OXCT1: variants seen among roughly 807,000 people sequenced by gnomAD.
OXCT1 encodes the protein succinyl-CoA:3-ketoacid coenzyme A transferase 1, mitochondrial.
OXCT1 carries 27 observed loss-of-function variants against 69.6 expected under a neutral mutation model. That is an observed-to-expected ratio of 0.39 (90% CI 0.29 to 0.54). The LOEUF is 0.54. Ranked by LOEUF, OXCT1 falls within the 20% of genes least tolerant of loss-of-function variation. OXCT1 has a pLI of 0.72. For synonymous variants in OXCT1, 202 were observed against 217.8 expected (o/e 0.93, Z 0.64); for missense variants, 437 against 650.2 (o/e 0.67, Z 3.57).
chr5:41,822,147 G>A (rs915233595), intron 7 of OXCT1, among the ~76,000 whole-genome samples: 6 of 152,090 alleles, frequency 3.9e-5, no homozygotes, highest in East Asian at 1.9e-4. Flanking sequence ...CAGGTGACAC[G>A]GATCTAGTAA....
At chr5:41,842,321 C>T (rs922482144) in intron 6 of OXCT1, among the ~76,000 whole-genome samples, 1 of 152,126 alleles carries the variant, frequency 6.6e-6, no homozygotes, top group Non-Finnish European at 1.5e-5. Context: ...TAAGACAATA[C>T]ATGTAAATTA....
At chr5:41,799,743 T>C in intron 11 of OXCT1, among the ~76,000 whole-genome samples, 1 of 152,196 alleles carries the variant, frequency 6.6e-6, no homozygotes, top group East Asian at 1.9e-4. Flanking sequence ...AATTACAGCC[T>C]TGGTTAAATG....
In OXCT1 at chr5:41,828,147, G is replaced by C. The variant is rs371472335; in HGVS notation, c.732+12304C>G. 2.6e-4 allele frequency among the ~76,000 whole-genome samples: 40 copies of C among 152,116 alleles called. 1 individual carries two copies. In the South Asian group the frequency reaches 8.1e-3, roughly 31 times the overall value. On this transcript the variant is annotated intron_variant, in intron 7 of 16. Transcript: ENST00000196371. The stretch of plus-strand genomic sequence containing the variant: ...TTTGAGATGGAGTTTTGCTCTTGTT[G>C]CCTAGGCTGGAGTGCACTGGCAAAA...
chr5:41,780,525 T>C (rs1167540820), intron 13 of OXCT1, among the ~76,000 whole-genome samples: 1 of 152,222 alleles, frequency 6.6e-6, no homozygotes, highest in South Asian at 2.1e-4. Flanking sequence ...ATCACTACTA[T>C]TTACATTGTT....
chr5:41,785,917 C>T (rs1745619613), intron 13 of OXCT1, among the ~76,000 whole-genome samples: 2 of 152,082 alleles, frequency 1.3e-5, no homozygotes, highest in South Asian at 4.1e-4. Context: ...ATGGGGAGTG[C>T]AGATAGGGAG....
intron 5 of OXCT1, chr5:41,843,609 G>A (rs1407977977): frequency 4.8e-5 from 22 of 455,810 alleles, no homozygotes; most frequent in South Asian, 1.5e-4. Context: ...GTTTATTTCC[G>A]GGAATTAAAA....
intron 13 of OXCT1, among the ~76,000 whole-genome samples, chr5:41,784,147 T>C (rs1044298392): frequency 2.6e-5 from 4 of 152,264 alleles, no homozygotes; most frequent in Admixed American, 1.3e-4. Context: ...CTTCAGTGTT[T>C]CCCATTTAAC....
At chr5:41,754,912 G>C (rs971466964) in intron 14 of OXCT1, among the ~76,000 whole-genome samples, 1 of 151,980 alleles carries the variant, frequency 6.6e-6, no homozygotes, top group Non-Finnish European at 1.5e-5. Context: ...CGGTCTTCAG[G>C]GTTTTGAGAT....
intron 9 of OXCT1, among the ~76,000 whole-genome samples, chr5:41,804,380 A>T (rs1746569038): frequency 6.6e-6 from 1 of 152,108 alleles, no homozygotes. Flanking sequence ...GGAGGAAAAA[A>T]GTCTATGTAT....
chr5:41,772,142 T>C (rs531723234), intron 13 of OXCT1, among the ~76,000 whole-genome samples: 1 of 152,334 alleles, frequency 6.6e-6, no homozygotes, highest in Non-Finnish European at 1.5e-5. Context: ...ACTATTTATT[T>C]TGTCATCAGG....
intron 7 of OXCT1, among the ~76,000 whole-genome samples, chr5:41,839,102 T>G (rs563612300): frequency 6.6e-6 from 1 of 152,312 alleles, no homozygotes; most frequent in South Asian, 2.1e-4. Flanking sequence ...TTTGCAGGCT[T>G]AGTTAAAGGA....
intron 3 of OXCT1, among the ~76,000 whole-genome samples, chr5:41,858,221 T>G (rs1212541756): frequency 1.3e-5 from 2 of 152,196 alleles, no homozygotes; most frequent in Non-Finnish European, 2.9e-5. Context: ...CAGCTTACAA[T>G]GAGAGTGTTT....
At chr5:41,806,510 G>A (rs1477458988) in intron 8 of OXCT1, among the ~76,000 whole-genome samples, 1 of 152,078 alleles carries the variant, frequency 6.6e-6, no homozygotes, top group Non-Finnish European at 1.5e-5. Context: ...GTTGGATCAT[G>A]GATGCAGATC....
In OXCT1 at chr5:41,731,521, G is replaced by C; in HGVS notation, c.*208C>G. 1.1e-6 allele frequency: 1 copy of C among 916,194 alleles called. No individual in the cohort carries two copies. The highest frequency in any genetic ancestry group is 1.6e-6 in the Non-Finnish European group (1 of 630,058). 56.8% of individuals were successfully genotyped at this position (916,194 alleles called of 1,614,324 possible). On this transcript the variant is annotated 3_prime_UTR_variant, in exon 17 of 17. Coordinates refer to ENST00000196371, the MANE Select transcript of OXCT1 (RefSeq NM_000436.4). ...AACAACCTTCTCAGCCTTAACAAAT[G>C]AGATAATTATAAATGCTCCTTTTGC...
At chr5:41,836,620 A>G (rs1400438648) in intron 7 of OXCT1, among the ~76,000 whole-genome samples, 2 of 152,114 alleles carry the variant, frequency 1.3e-5, no homozygotes, top group Non-Finnish European at 2.9e-5. Context: ...TCCACCTCAG[A>G]TCATCAGGCG....
At chr5:41,755,474 T>C (rs550199948) in intron 14 of OXCT1, among the ~76,000 whole-genome samples, 3 of 152,096 alleles carry the variant, frequency 2.0e-5, no homozygotes, top group Non-Finnish European at 4.4e-5. Flanking sequence ...CTGAAACTCT[T>C]ATTAATTATG....
At chr5:41,751,783 C>A (rs1405737455) in intron 14 of OXCT1, among the ~76,000 whole-genome samples, 1 of 152,066 alleles carries the variant, frequency 6.6e-6, no homozygotes, top group African/African-American at 2.4e-5. Context: ...AGTGAAAACA[C>A]AACACAAATT....
At chr5:41,840,690 A>G (rs909962897) in intron 6 of OXCT1, among the ~76,000 whole-genome samples, 179 bp from the exon 7 acceptor site, 3 of 152,246 alleles carry the variant, frequency 2.0e-5, no homozygotes, top group African/African-American at 7.2e-5. Flanking sequence ...AAATTTTAAA[A>G]ACCATAACTA....
chr5:41,766,887 C>T (rs1183466102), intron 13 of OXCT1, among the ~76,000 whole-genome samples: 1 of 152,052 alleles, frequency 6.6e-6, no homozygotes, highest in African/African-American at 2.4e-5. Context: ...AAGTGTGAAT[C>T]TATTGGAAGT....
Sources: allele counts gnomAD v4.1 joint callset (sites outside exome capture counted in the v4.1 genomes callset), GRCh38; gene constraint gnomAD v4.1.1; transcripts MANE v1.5; gene names NCBI Gene and HGNC (gene_info 2026-07-23, HGNC 2026-07-21).